Variants in SCML2 observed in about 807,000 individuals in gnomAD.
SCML2 encodes the protein sex comb on midleg-like protein 2.
In SCML2, 6 loss-of-function variants were observed where a neutral mutation model predicts 48.4. The observed-to-expected ratio is 0.12, with a 90% CI of 0.07 to 0.24. The LOEUF (loss-of-function observed/expected upper bound fraction) is 0.24. Among genes scored for constraint, SCML2 ranks in the 10% least tolerant of loss-of-function variants. SCML2 has a pLI of 1.00. For missense variants in SCML2, 377 were observed against 528.2 expected (o/e 0.71, Z 2.81); for synonymous variants, 181 against 189.5 (o/e 0.95, Z 0.37).
intron 6 of SCML2, among the ~76,000 whole-genome samples, chrX:18,319,427 C>T (rs971024155): frequency 9.2e-6 from 1 of 108,650 alleles, no homozygotes; most frequent in African/African-American, 3.4e-5. Flanking sequence ...GGTGAAACCC[C>T]ACCTCACTAA....
intron 7 of SCML2, among the ~76,000 whole-genome samples, chrX:18,297,285 A>G (rs1282640440): frequency 8.9e-6 from 1 of 112,513 alleles, no homozygotes; most frequent in Non-Finnish European, 1.9e-5. Context: ...ATTCTGAATA[A>G]AAGCTGAAAG....
intron 7 of SCML2, among the ~76,000 whole-genome samples, chrX:18,290,074 GA>G (rs1928181814): frequency 9.0e-6 from 1 of 111,034 alleles, no homozygotes; most frequent in African/African-American, 3.3e-5. Context: ...TTTTAATTAA[GA>G]AAAAACTAAA....
intron 5 of SCML2, among the ~76,000 whole-genome samples, chrX:18,322,483 G>A (rs1344305855): frequency 2.7e-5 from 3 of 112,342 alleles, no homozygotes; most frequent in African/African-American, 9.7e-5. Context: ...TGTGTAATTT[G>A]AGAAATATTA....
At chrX:18,310,427 G>A (rs1194888099) in intron 6 of SCML2, among the ~76,000 whole-genome samples, 2 of 107,156 alleles carry the variant, frequency 1.9e-5, no homozygotes, top group Non-Finnish European at 3.9e-5. Context: ...CACCACACGT[G>A]GCTAATTTTT....
At chrX:18,279,699 C>A (rs1366411365) in intron 7 of SCML2, among the ~76,000 whole-genome samples, 1 of 112,054 alleles carries the variant, frequency 8.9e-6, no homozygotes, top group Admixed American at 9.5e-5. Context: ...GAAAAACTCA[C>A]TACAAGAATT....
At chrX:18,352,600 G>A (rs1000950897) in intron 1 of SCML2, among the ~76,000 whole-genome samples, 1 of 111,669 alleles carries the variant, frequency 9.0e-6, no homozygotes. Context: ...TAAACTATGG[G>A]TGGAAAGCCT....
At chrX:18,254,560 ATTTTC>A (rs1819923575) in intron 11 of SCML2, among the ~76,000 whole-genome samples, 2 of 112,498 alleles carry the variant, frequency 1.8e-5, no homozygotes. Context: ...GAAGAATTAC[ATTTTC>A]TTTAAAATCT....
At chrX:18,329,276 T>C (rs1929579231) in intron 3 of SCML2, among the ~76,000 whole-genome samples, 2 of 111,133 alleles carry the variant, frequency 1.8e-5, no homozygotes, top group South Asian at 7.7e-4. Context: ...GATTTGGGGG[T>C]CCCAGGGAAG....
At chrX:18,280,481 A>G (rs1330841500) in intron 7 of SCML2, among the ~76,000 whole-genome samples, 2 of 111,956 alleles carry the variant, frequency 1.8e-5, no homozygotes, top group Non-Finnish European at 3.8e-5. Flanking sequence ...CCAGCTAACA[A>G]CACAATGACA....
chrX:18,324,883 A>G (rs767983624), intron 4 of SCML2, 24 bp downstream of exon 4: 9 of 1,123,714 alleles, frequency 8.0e-6, no homozygotes, highest in Admixed American at 4.5e-5. Context: ...TACATTAACT[A>G]ACAGCTACAG....
At chrX:18,317,877 A>G (rs1275439196) in intron 6 of SCML2, among the ~76,000 whole-genome samples, 1 of 110,284 alleles carries the variant, frequency 9.1e-6, no homozygotes, top group African/African-American at 3.3e-5. Context: ...GAGAACAAAT[A>G]AAACTTCAAT....
intron 7 of SCML2, among the ~76,000 whole-genome samples, chrX:18,302,467 G>A (rs1161230802): frequency 9.0e-6 from 1 of 110,915 alleles, no homozygotes; most frequent in Non-Finnish European, 1.9e-5. Flanking sequence ...GGAAACAACT[G>A]AGCCCCACTT....
chrX:18,293,441 T>C (rs958892546), intron 7 of SCML2, among the ~76,000 whole-genome samples: 2 of 111,907 alleles, frequency 1.8e-5, no homozygotes, highest in Non-Finnish European at 3.8e-5. Context: ...TGGGGACTTC[T>C]GGGAATATTT....
At chrX:18,340,267 A>T (rs756289826) in intron 1 of SCML2, among the ~76,000 whole-genome samples, 2 of 110,980 alleles carry the variant, frequency 1.8e-5, no homozygotes, top group East Asian at 2.9e-4. Context: ...TACAAAACTT[A>T]GCAAGCCATG....
chrX:18,334,205 A>G, intron 1 of SCML2, 110 bp from the exon 2 acceptor site: 2 of 516,387 alleles, frequency 3.9e-6, no homozygotes, highest in South Asian at 4.3e-5. Context: ...TTAAACAAAA[A>G]TGATAAGATT....
Position 18,341,390 on chromosome X carries a change from T to C in SCML2, c.-24-7295A>G, listed in dbSNP as rs750498778. Reference sequence around the variant, plus strand: ...ACCCCTGTCATCTTCGAGACCCCAGTAGTAATGTGGAGGAAGAATCACCAC... The same window carrying C: ...ACCCCTGTCATCTTCGAGACCCCAGCAGTAATGTGGAGGAAGAATCACCAC... On this transcript the variant is annotated intron_variant, in intron 1 of 14. Coordinates refer to ENST00000251900, the MANE Select transcript of SCML2 (RefSeq NM_006089.3). 8.7e-5 allele frequency: 22 copies of C among 252,017 alleles called. No homozygotes were observed. In the South Asian group the frequency reaches 1.1e-3, roughly 12 times the overall value. 20.8% of individuals were successfully genotyped at this position (252,017 alleles called of 1,213,427 possible).
At chrX:18,294,796 C>T (rs1229317499) in intron 7 of SCML2, among the ~76,000 whole-genome samples, 3 of 110,951 alleles carry the variant, frequency 2.7e-5, no homozygotes, top group Non-Finnish European at 5.7e-5. Flanking sequence ...CTGCCCACCC[C>T]GATCCAGGAC....
chrX:18,354,900 C>G (rs958120530), upstream of SCML2, among the ~76,000 whole-genome samples: 3 of 112,290 alleles, frequency 2.7e-5, no homozygotes, highest in Non-Finnish European at 3.8e-5. Context: ...TCCTACCCCC[C>G]ACGCCTACGC....
rs753224442 is a variant in SCML2, at chrX:18,290,717, A to T, written c.730+14255T>A. 1.9e-3 allele frequency among the ~76,000 whole-genome samples: 213 copies of T among 111,745 alleles called. 1 individual carries two copies. The highest frequency in any genetic ancestry group is 4.6e-3 in the Middle Eastern group (1 of 218). On this transcript the variant is annotated intron_variant, in intron 7 of 14. Coordinates refer to ENST00000251900, the MANE Select transcript of SCML2 (RefSeq NM_006089.3). The stretch of plus-strand genomic sequence containing the variant: ...ATTTGTATTTATTTATTATGTTAAT[A>T]AATAAAATTATAGAGACAAAATAGT...
Sources: allele counts gnomAD v4.1 joint callset (sites outside exome capture counted in the v4.1 genomes callset), GRCh38; gene constraint gnomAD v4.1.1; transcripts MANE v1.5; gene names NCBI Gene and HGNC (gene_info 2026-07-23, HGNC 2026-07-21).